SLC24A3: variants seen among roughly 807,000 people sequenced by gnomAD.
SLC24A3 encodes sodium/potassium/calcium exchanger 3.
In SLC24A3, 28 loss-of-function variants were observed where a neutral mutation model predicts 75.8. That is an observed-to-expected ratio of 0.37 (90% CI 0.27 to 0.51). The LOEUF is 0.51. Among genes scored for constraint, SLC24A3 ranks in the 20% least tolerant of loss-of-function variants. SLC24A3 has a pLI of 0.94. For synonymous variants in SLC24A3, 372 were observed against 334.1 expected (o/e 1.11, Z -1.24); for missense variants, 663 against 847.8 (o/e 0.78, Z 2.71).
At chr20:19,436,639 A>C (rs1987209681) in intron 2 of SLC24A3, among the ~76,000 whole-genome samples, 1 of 152,114 alleles carries the variant, frequency 6.6e-6, no homozygotes, top group Non-Finnish European at 1.5e-5. Context: ...GTGTGTATTC[A>C]TGTATCTGCT....
At chr20:19,464,780 G>A (rs1987737288) in intron 2 of SLC24A3, among the ~76,000 whole-genome samples, 1 of 152,204 alleles carries the variant, frequency 6.6e-6, no homozygotes, top group South Asian at 2.1e-4. Context: ...TACAGGTTAA[G>A]AAACTGAGGT....
At chr20:19,466,131 A>G (rs1358029606) in intron 2 of SLC24A3, among the ~76,000 whole-genome samples, 1 of 152,240 alleles carries the variant, frequency 6.6e-6, no homozygotes, top group South Asian at 2.1e-4. Flanking sequence ...TATTTTCACT[A>G]TGTAGAGAAG....
At chr20:19,470,568 A>T (rs906972005) in intron 2 of SLC24A3, among the ~76,000 whole-genome samples, 2 of 152,138 alleles carry the variant, frequency 1.3e-5, no homozygotes, top group Non-Finnish European at 2.9e-5. Context: ...TCCTTTGCAC[A>T]TACACTCGGG....
rs1340356102 is a variant in SLC24A3, at chr20:19,222,417, T to C, written c.142+9433T>C. On this transcript the variant is annotated intron_variant, in intron 1 of 16. Transcript: ENST00000328041. ...GTGCAAAGGAGGGTCTTGTTGATTG[T>C]ATCTCTGTTATGCTATCTAACTGGG... Among the ~76,000 whole-genome samples, 3 of 152,232 alleles carry C rather than the reference T, an allele frequency of 2.0e-5. No homozygotes were observed. The South Asian group carries it at 6.2e-4, about 31-fold the overall frequency.
chr20:19,475,503 T>A (rs914342164), intron 2 of SLC24A3, among the ~76,000 whole-genome samples: 4 of 152,164 alleles, frequency 2.6e-5, no homozygotes, highest in African/African-American at 9.7e-5. Flanking sequence ...CTAGTGATAA[T>A]CTCTTAAAAT....
intron 2 of SLC24A3, among the ~76,000 whole-genome samples, chr20:19,300,897 C>T (rs903465203): frequency 3.3e-5 from 5 of 152,084 alleles, no homozygotes; most frequent in Admixed American, 3.3e-4. Context: ...CAGCTGCTGC[C>T]TTTCTTCCTC....
chr20:19,470,590 A>G (rs759678585), intron 2 of SLC24A3, among the ~76,000 whole-genome samples: 29 of 152,214 alleles, frequency 1.9e-4, no homozygotes, highest in Non-Finnish European at 4.1e-4. Context: ...ACATGTGCAC[A>G]CATGTACATA....
At chr20:19,561,055 C>T (rs958660034) in intron 3 of SLC24A3, among the ~76,000 whole-genome samples, 1 of 152,148 alleles carries the variant, frequency 6.6e-6, no homozygotes, top group Non-Finnish European at 1.5e-5. Context: ...TCCTGTAAGC[C>T]GTCTACATTC....
chr20:19,573,865 G>C (rs2031090571), intron 3 of SLC24A3, among the ~76,000 whole-genome samples: 1 of 152,166 alleles, frequency 6.6e-6, no homozygotes. Context: ...AGTTGTGTTT[G>C]CAAAATAAAA....
rs540596117 is a variant in SLC24A3, at chr20:19,500,236, G to A, written c.272-15252G>A. ...AAGCCACTCGATTTGCTTCTGTGTC[G>A]TAGACTCAGTGGAAGGAAATGCCAC... On this transcript the variant is annotated intron_variant, in intron 2 of 16. Coordinates refer to ENST00000328041, the MANE Select transcript of SLC24A3 (RefSeq NM_020689.4). Among the ~76,000 whole-genome samples, 16 of 152,230 alleles carry A rather than the reference G, an allele frequency of 1.1e-4. 1 individual carries two copies. The highest frequency in any genetic ancestry group is 8.3e-4 in the South Asian group (4 of 4,820).
intron 3 of SLC24A3, among the ~76,000 whole-genome samples, chr20:19,545,724 G>A (rs940744713): frequency 6.6e-6 from 1 of 152,184 alleles, no homozygotes; most frequent in African/African-American, 2.4e-5. Flanking sequence ...TGGTTTGGAG[G>A]CATGTACCTT....
At chr20:19,379,467 GTT>G (rs1986145331) in intron 2 of SLC24A3, among the ~76,000 whole-genome samples, 2 of 152,260 alleles carry the variant, frequency 1.3e-5, no homozygotes, top group East Asian at 3.9e-4. Flanking sequence ...GAATGAGGGG[GTT>G]TGATAAGCCC....
intron 3 of SLC24A3, among the ~76,000 whole-genome samples, chr20:19,523,582 G>T (rs2030143119): frequency 6.6e-6 from 1 of 152,224 alleles, no homozygotes. Context: ...TTGCTGGTGG[G>T]TTGATATCCT....
chr20:19,487,041 A>G (rs1172321158), intron 2 of SLC24A3, among the ~76,000 whole-genome samples: 1 of 152,196 alleles, frequency 6.6e-6, no homozygotes, highest in African/African-American at 2.4e-5. Flanking sequence ...AGTTATTTAA[A>G]TGCCTTAAAC....
intron 6 of SLC24A3, among the ~76,000 whole-genome samples, chr20:19,613,271 C>T (rs1206222407): frequency 6.6e-6 from 1 of 152,184 alleles, no homozygotes; most frequent in Non-Finnish European, 1.5e-5. Context: ...GGGCAGACAG[C>T]TTTATCAATT....
intron 1 of SLC24A3, among the ~76,000 whole-genome samples, chr20:19,250,414 G>C (rs1982616687): frequency 6.6e-6 from 1 of 152,196 alleles, no homozygotes; most frequent in South Asian, 2.1e-4. Context: ...AATGGACACA[G>C]TCTAAACTTG....
intron 1 of SLC24A3, chr20:19,213,235 C>T (rs1031886840): frequency 1.5e-5 from 4 of 271,408 alleles, no homozygotes; most frequent in African/African-American, 4.5e-5. Context: ...TTACCTGTGC[C>T]CGCCTGTGCG....
chr20:19,511,641 T>C (rs1376330754), intron 2 of SLC24A3, among the ~76,000 whole-genome samples: 1 of 152,222 alleles, frequency 6.6e-6, no homozygotes, highest in Non-Finnish European at 1.5e-5. Flanking sequence ...CTTAGCTCAA[T>C]TTTTAGATGA....
At chr20:19,258,662 A>T (rs1178714218) in intron 1 of SLC24A3, among the ~76,000 whole-genome samples, 1 of 152,196 alleles carries the variant, frequency 6.6e-6, no homozygotes, top group Non-Finnish European at 1.5e-5. Flanking sequence ...AGATCGCGCC[A>T]CTGCACTCCA....
Sources: allele counts gnomAD v4.1 joint callset (sites outside exome capture counted in the v4.1 genomes callset), GRCh38; gene constraint gnomAD v4.1.1; transcripts MANE v1.5; gene names NCBI Gene and HGNC (gene_info 2026-07-23, HGNC 2026-07-21).